The following DZIP1L variants were observed in gnomAD, a reference collection of about 807,000 sequenced individuals.
DZIP1L encodes the protein DAZ interacting zinc finger protein 1 like, also known as cilium assembly protein DZIP1L.
A neutral mutation model predicts 88.7 loss-of-function variants in DZIP1L; 90 were observed. The ratio of observed to expected loss-of-function variants is 1.02; its 90% confidence interval spans 0.86 to 1.21. DZIP1L has a LOEUF of 1.21. Among genes scored for constraint, DZIP1L ranks in the 50% most tolerant of loss-of-function variants. The probability of loss-of-function intolerance (pLI) is 0.00; values close to 1 mark genes in which losing one functional copy is unlikely to be tolerated. For synonymous variants in DZIP1L, 363 were observed against 372.1 expected (o/e 0.98, Z 0.28); for missense variants, 932 against 955.8 (o/e 0.98, Z 0.33).
chr3:138,081,612 T>A, intron 9 of DZIP1L, 122 bp downstream of exon 9: 1 of 984,792 alleles, frequency 1.0e-6, no homozygotes, highest in Non-Finnish European at 1.5e-6. Flanking sequence ...TGACACTACA[T>A]GTCCACAGGC....
chr3:138,097,742 C>T (rs774383462), intron 3 of DZIP1L, 21 bp downstream of exon 3: 8 of 1,598,390 alleles, frequency 5.0e-6, no homozygotes, highest in Middle Eastern at 1.9e-4. Flanking sequence ...AGAAGGGGCC[C>T]GGGCTGCTGT....
At chr3:138,092,324 T>C in intron 5 of DZIP1L, 59 bp downstream of exon 5, 1 of 1,460,022 alleles carries the variant, frequency 6.8e-7, no homozygotes, top group Non-Finnish European at 9.0e-7. Context: ...AACTAAGAAA[T>C]TTTGAGAATA....
chr3:138,080,742 T>C lies in DZIP1L; in HGVS notation c.1235-122A>G, dbSNP rs554603895. The C allele has an allele frequency of 4.6e-5, 42 of 912,956 alleles. No individual in the cohort carries two copies. In the African/African-American group the frequency reaches 6.6e-4, roughly 14 times the overall value. 56.6% of individuals were successfully genotyped at this position (912,956 alleles called of 1,614,324 possible). A position where few individuals can be genotyped will look rare whatever the true frequency, so the allele number is the denominator to read the frequency against. On this transcript the variant is annotated intron_variant, in intron 9 of 15. Transcript: ENST00000327532. The stretch of plus-strand genomic sequence containing the variant: ...GAGAAAACCCTCCAGTCAGTGCATC[T>C]TGACTGGAGAGAGGCAGGACAGAGC...
At position 138,068,308 on chromosome 3, in the gene DZIP1L, G is replaced by A. The variant is rs1162635826; in HGVS notation, c.1675C>T (p.Gln559Ter). The change falls in exon 13 of 16, where the codon CAG becomes TAG. Residue 559 changes from glutamine to a stop codon, truncating the protein, a stop_gained. Coordinates refer to ENST00000327532, the MANE Select transcript of DZIP1L (RefSeq NM_173543.3). LOFTEE classifies it high-confidence loss of function. ...REAQPKTRTL[Q>*]VALPSTPAEP... ...GCCGGTGTGGATGGCAAGGCCACCT[G>A]CAGGGTCCTGGTCTTTGGCTGGGCC... The A allele has an allele frequency of 1.3e-6, 2 of 1,595,208 alleles. No homozygotes were observed. Among genetic ancestry groups the A allele is most frequent in the Non-Finnish European group, 1.7e-6 (2 of 1,169,844 alleles).
At chr3:138,090,111 G>A (rs1944135708) in intron 5 of DZIP1L, among the ~76,000 whole-genome samples, 1 of 151,862 alleles carries the variant, frequency 6.6e-6, no homozygotes, top group Non-Finnish European at 1.5e-5. Flanking sequence ...CTGCACTCGA[G>A]CCTGGGCAAC....
Position 138,103,733 on chromosome 3 carries a change from T to G in DZIP1L, c.239A>C (p.Asp80Ala). 1 of 1,613,624 alleles carries G rather than the reference T, an allele frequency of 6.2e-7. No homozygotes were observed. Among genetic ancestry groups the G allele is most frequent in the Non-Finnish European group, 8.5e-7 (1 of 1,179,998 alleles). The change falls in exon 2 of 16, where the codon GAC (aspartate) becomes GCC (alanine). Residue 80 changes from aspartate (D) to alanine (A), a missense_variant. Transcript: ENST00000327532. ...GCGCAGCACCTTGAGCAGTGCCGGGTCCACAGGCTGCCCACAGCGGCTGCA... is the reference window on the plus strand; with the variant it reads ...GCGCAGCACCTTGAGCAGTGCCGGGGCCACAGGCTGCCCACAGCGGCTGCA... ...EVCSRCGQPV[D>A]PALLKVLRLA...
chr3:138,107,527 G>T (rs1425874522), intron 1 of DZIP1L, among the ~76,000 whole-genome samples: 1 of 152,170 alleles, frequency 6.6e-6, no homozygotes, highest in Non-Finnish European at 1.5e-5. Context: ...GTGTCATTCT[G>T]TTGCAACAGT....
intron 14 of DZIP1L, among the ~76,000 whole-genome samples, chr3:138,066,580 G>A (rs1264821463): frequency 1.3e-5 from 2 of 152,010 alleles, no homozygotes; most frequent in Non-Finnish European, 2.9e-5. Flanking sequence ...CTTCTGTCAC[G>A]ATGTGTGTGG....
chr3:138,103,381 G>A (rs925569853), intron 2 of DZIP1L, 90 bp downstream of exon 2: 2 of 1,422,958 alleles, frequency 1.4e-6, no homozygotes, highest in Non-Finnish European at 9.5e-7. Context: ...CAGCCTTAAG[G>A]TCCCAGCAGT....
chr3:138,098,967 GA>G (rs1388747699), intron 2 of DZIP1L, among the ~76,000 whole-genome samples: 1 of 152,090 alleles, frequency 6.6e-6, no homozygotes, highest in Non-Finnish European at 1.5e-5. Flanking sequence ...GCAACCTGGA[GA>G]AACCCTGTCT....
intron 10 of DZIP1L, among the ~76,000 whole-genome samples, chr3:138,078,780 C>T (rs1191129285): frequency 6.6e-6 from 1 of 152,216 alleles, no homozygotes; most frequent in Non-Finnish European, 1.5e-5. Flanking sequence ...GAGCCTCAAC[C>T]TTGTCTGCAC....
chr3:138,095,039 G>A (rs1944406102), intron 3 of DZIP1L, 56 bp from the exon 4 acceptor site: 14 of 1,611,132 alleles, frequency 8.7e-6, no homozygotes, highest in East Asian at 2.2e-5. Flanking sequence ...TCAAGGGAGT[G>A]TAGTTTCTCA....
intron 14 of DZIP1L, among the ~76,000 whole-genome samples, chr3:138,066,765 T>G (rs1292372483): frequency 1.3e-5 from 2 of 149,298 alleles, no homozygotes; most frequent in Admixed American, 1.3e-4. Context: ...CTCACCGAGA[T>G]GGACAAGGAT....
At chr3:138,089,931 T>C (rs903335333) in intron 5 of DZIP1L, among the ~76,000 whole-genome samples, 1 of 152,016 alleles carries the variant, frequency 6.6e-6, no homozygotes, top group East Asian at 1.9e-4. Flanking sequence ...GACAGATCAC[T>C]TGAGCCCAGG....
chr3:138,092,849 G>A (rs1247200094), intron 4 of DZIP1L, among the ~76,000 whole-genome samples: 1 of 152,130 alleles, frequency 6.6e-6, no homozygotes, highest in Non-Finnish European at 1.5e-5. Context: ...CCATCTTCAG[G>A]CTCCACTTCT....
intron 1 of DZIP1L, among the ~76,000 whole-genome samples, chr3:138,110,904 G>C (rs986990064): frequency 2.3e-4 from 35 of 152,246 alleles, no homozygotes; most frequent in African/African-American, 8.2e-4. Context: ...CACACAACTA[G>C]TAAGTGATAG....
In DZIP1L at chr3:138,062,792, T is replaced by C; in HGVS notation, c.*24A>G. On this transcript the variant is annotated 3_prime_UTR_variant, in exon 16 of 16. Transcript: ENST00000327532. Reference sequence around the variant, plus strand: ...GCTGGCCCCAGCCAGGCTAACCCTCTAGCCAGCTAGCTTCTGGGGTGAATC... The same window carrying C: ...GCTGGCCCCAGCCAGGCTAACCCTCCAGCCAGCTAGCTTCTGGGGTGAATC... 1.2e-6 allele frequency: 2 copies of C among 1,612,906 alleles called. No individual in the cohort carries two copies. The highest frequency in any genetic ancestry group is 2.7e-5 in the African/African-American group (2 of 75,018).
chr3:138,078,690 G>C (rs370769575), intron 10 of DZIP1L, among the ~76,000 whole-genome samples: 5 of 152,030 alleles, frequency 3.3e-5, no homozygotes, highest in African/African-American at 4.8e-5. Context: ...CAAAAATCTG[G>C]GTTATAATAA....
intron 8 of DZIP1L, among the ~76,000 whole-genome samples, chr3:138,083,759 C>T (rs1027211321): frequency 3.9e-5 from 6 of 152,196 alleles, no homozygotes; most frequent in African/African-American, 1.4e-4. Context: ...CTTATTTCAC[C>T]ATCTGTCGAA....
Sources: gnomAD v4.1 joint callset for allele counts (sites outside exome capture counted in the v4.1 genomes callset) on GRCh38, gnomAD v4.1.1 for gene constraint, MANE v1.5 for transcripts, NCBI Gene and HGNC (gene_info 2026-07-23, HGNC 2026-07-21) for gene names.